The following ERI1 variants were observed in gnomAD, a reference collection of about 807,000 sequenced individuals.
ERI1 encodes the protein 3'-5' exoribonuclease 1.
In ERI1, 39 loss-of-function variants were observed where a neutral mutation model predicts 39.7. The ratio of observed to expected loss-of-function variants is 0.98; its 90% confidence interval spans 0.76 to 1.28. ERI1 has a LOEUF of 1.28. Among genes scored for constraint, ERI1 ranks in the 50% most tolerant of loss-of-function variants. ERI1 has a pLI of 0.00. For synonymous variants in ERI1, 204 were observed against 149.6 expected (o/e 1.36, Z -2.65); for missense variants, 581 against 416.9 (o/e 1.39, Z -3.43).
intron 3 of ERI1, among the ~76,000 whole-genome samples, 191 bp from the exon 4 acceptor site, chr8:9,016,131 A>G (rs1164017633): frequency 6.6e-6 from 1 of 152,226 alleles, no homozygotes; most frequent in Non-Finnish European, 1.5e-5. Context: ...ATTTTAAATT[A>G]TGAATCAATT....
intron 3 of ERI1, among the ~76,000 whole-genome samples, chr8:9,065,276 G>C (rs941439104): frequency 2.6e-5 from 4 of 152,146 alleles, no homozygotes. Flanking sequence ...AGTTGTTTTT[G>C]CTTCTTTCTA....
intron 3 of ERI1, among the ~76,000 whole-genome samples, chr8:9,014,588 C>G (rs924120749): frequency 1.2e-4 from 18 of 152,164 alleles, no homozygotes; most frequent in Admixed American, 1.1e-3. Flanking sequence ...ATAGTTCTCT[C>G]TAGCATTCTT....
chr8:9,068,118 T>G (rs1260720714), intron 3 of ERI1, among the ~76,000 whole-genome samples: 3 of 152,158 alleles, frequency 2.0e-5, no homozygotes, highest in Admixed American at 6.5e-5. Context: ...CCAGAATTGC[T>G]TTTCTCCTTA....
At chr8:9,037,512 C>G (rs959220784), downstream of ERI1, among the ~76,000 whole-genome samples, 296 of 140,170 alleles carry the variant, frequency 2.1e-3, no homozygotes, top group African/African-American at 7.7e-3. Flanking sequence ...TTTTTTTTTT[C>G]TGTTTCCCCA....
intron 4 of ERI1, among the ~76,000 whole-genome samples, chr8:9,017,193 C>G (rs760243093): frequency 6.6e-6 from 1 of 152,094 alleles, no homozygotes; most frequent in Non-Finnish European, 1.5e-5. Flanking sequence ...GCACACACCA[C>G]GATGATTGGC....
intron 3 of ERI1, among the ~76,000 whole-genome samples, chr8:9,081,287 C>T (rs960287697): frequency 4.6e-5 from 7 of 152,152 alleles, no homozygotes; most frequent in Admixed American, 2.0e-4. Flanking sequence ...CAAACAATAT[C>T]ACTGGAGATT....
In ERI1 at chr8:9,093,050, C is replaced by T. The variant is rs1446308860; in HGVS notation, n.300-23298C>T. On this transcript the variant is annotated intron_variant and non_coding_transcript_variant, in intron 3 of 3. Coordinates refer to the ERI1 transcript ENST00000518663. ...GTGAGTATGTCTGTCTCCAAATTTC[C>T]GCTTTTTATAAGGACATCAGTCATA... 4.6e-5 allele frequency among the ~76,000 whole-genome samples: 7 copies of T among 152,310 alleles called. No individual in the cohort carries two copies. The East Asian group carries it at 5.8e-4, about 13-fold the overall frequency.
At chr8:9,017,905 A>C (rs1328947919) in intron 4 of ERI1, among the ~76,000 whole-genome samples, 1 of 152,180 alleles carries the variant, frequency 6.6e-6, no homozygotes, top group African/African-American at 2.4e-5. Context: ...AGCAGTATGT[A>C]GTATGCGTGG....
intron 3 of ERI1, among the ~76,000 whole-genome samples, chr8:9,055,881 G>A (rs1798491809): frequency 6.6e-6 from 1 of 152,122 alleles, no homozygotes; most frequent in Non-Finnish European, 1.5e-5. Flanking sequence ...AGGGAAAGGG[G>A]TTCTGGTTTC....
intron 3 of ERI1, among the ~76,000 whole-genome samples, chr8:9,049,593 C>A (rs938814409): frequency 6.6e-6 from 1 of 151,406 alleles, no homozygotes; most frequent in Non-Finnish European, 1.5e-5. Context: ...GTGTGCCTAA[C>A]AGTGAGTCCC....
At chr8:9,034,007 G>T (rs1219233906), downstream of ERI1, among the ~76,000 whole-genome samples, 1 of 152,154 alleles carries the variant, frequency 6.6e-6, no homozygotes, top group Non-Finnish European at 1.5e-5. Context: ...TCGGAGATGG[G>T]GATAAGTGGA....
At chr8:9,042,713 G>A (rs1228361163) in intron 3 of ERI1, among the ~76,000 whole-genome samples, 4 of 152,206 alleles carry the variant, frequency 2.6e-5, no homozygotes, top group Non-Finnish European at 5.9e-5. Flanking sequence ...CATCCCTAGT[G>A]CGAGAATCAG....
intron 3 of ERI1, among the ~76,000 whole-genome samples, chr8:9,041,426 A>G (rs1223989508): frequency 6.6e-6 from 1 of 152,196 alleles, no homozygotes; most frequent in Non-Finnish European, 1.5e-5. Context: ...AGGGTTGACC[A>G]TAGGTTAGGA....
intron 3 of ERI1, among the ~76,000 whole-genome samples, chr8:9,089,677 C>G (rs1799644316): frequency 6.6e-6 from 1 of 152,228 alleles, no homozygotes; most frequent in Non-Finnish European, 1.5e-5. Context: ...CAATCCTATG[C>G]TGTTCTCCCC....
intron 3 of ERI1, chr8:9,062,833 TGGC>T (rs1239470022): frequency 6.6e-6 from 1 of 151,978 alleles, no homozygotes; most frequent in Non-Finnish European, 1.5e-5. Flanking sequence ...AGATGGGACG[TGGC>T]TTAGGAGGAA....
intron 3 of ERI1, among the ~76,000 whole-genome samples, chr8:9,069,793 G>A (rs769034065): frequency 2.3e-4 from 35 of 152,294 alleles, no homozygotes; most frequent in Non-Finnish European, 3.5e-4. Flanking sequence ...TGTGGCAACA[G>A]GAGGAATTAT....
Position 9,030,370 on chromosome 8 carries a change from C to G in ERI1, c.*336C>G, listed in dbSNP as rs960176567. ...CTGTTCTGTTGAATGTCATATCTTA[C>G]TGGTGTTTAAATATGTAATGTGTTT... On this transcript the variant is annotated 3_prime_UTR_variant, in exon 7 of 7. Coordinates refer to ENST00000250263, the MANE Select transcript of ERI1 (RefSeq NM_153332.4). 8.6e-6 allele frequency: 2 copies of G among 233,452 alleles called. No homozygotes were observed. The highest frequency in any genetic ancestry group is 4.9e-5 in the Admixed American group (1 of 20,382). 14.5% of individuals were successfully genotyped at this position (233,452 alleles called of 1,614,324 possible).
chr8:9,085,310 G>A (rs1051605872), intron 3 of ERI1, among the ~76,000 whole-genome samples: 1 of 152,162 alleles, frequency 6.6e-6, no homozygotes, highest in Non-Finnish European at 1.5e-5. Flanking sequence ...CTGGGTTCAA[G>A]TGATTCTCCT....
In ERI1 at chr8:9,011,529, T is replaced by G; in HGVS notation, c.288-13T>G. 6.4e-7 allele frequency: 1 copy of G among 1,555,216 alleles called. No individual in the cohort carries two copies. Among genetic ancestry groups the G allele is most frequent in the Non-Finnish European group, 8.8e-7 (1 of 1,141,622 alleles). ...ATTTACCTAAGTGTAACTAGTCTTC[T>G]TCTTCTACTTAGAGGAGTAAAGGAT... On this transcript the variant is annotated splice_polypyrimidine_tract_variant and intron_variant, in intron 2 of 6. Coordinates refer to ENST00000250263, the MANE Select transcript of ERI1 (RefSeq NM_153332.4).
Sources: gnomAD v4.1 joint callset for allele counts (sites outside exome capture counted in the v4.1 genomes callset) on GRCh38, gnomAD v4.1.1 for gene constraint, MANE v1.5 for transcripts, NCBI Gene and HGNC (gene_info 2026-07-23, HGNC 2026-07-21) for gene names.